Variants in ATP11A observed in about 807,000 individuals in gnomAD.
ATP11A encodes phospholipid-transporting ATPase IH.
In ATP11A, 81 loss-of-function variants were observed where a neutral mutation model predicts 154.4. The ratio of observed to expected loss-of-function variants is 0.52; its 90% CI spans 0.44 to 0.63. The LOEUF (loss-of-function observed/expected upper bound fraction) is 0.63. Among genes scored for constraint, ATP11A ranks in the 30% least tolerant of loss-of-function variants. The pLI is 0.00. For missense variants in ATP11A, 1,316 were observed against 1,474.3 expected (o/e 0.89, Z 1.76); for synonymous variants, 623 against 585.9 (o/e 1.06, Z -0.91).
At chr13:112,850,325 A>G (rs1229760337) in intron 17 of ATP11A, among the ~76,000 whole-genome samples, 2 of 152,154 alleles carry the variant, frequency 1.3e-5, no homozygotes, top group Non-Finnish European at 2.9e-5. Context: ...TCAGGTGTGA[A>G]CCTCTGTGAC....
At chr13:112,790,771 ATTAT>A (rs2077831153) in intron 2 of ATP11A, among the ~76,000 whole-genome samples, 1 of 152,232 alleles carries the variant, frequency 6.6e-6, no homozygotes. Context: ...GTGGTTCTTA[ATTAT>A]TTATGTGCTC....
intron 1 of ATP11A, among the ~76,000 whole-genome samples, chr13:112,768,345 C>T (rs570503163): frequency 3.2e-4 from 48 of 152,340 alleles, no homozygotes; most frequent in Admixed American, 5.9e-4. Flanking sequence ...GGGGCAACCT[C>T]AGCCTCTCCA....
rs1472604079 is a variant in ATP11A, at chr13:112,753,922, G to A, written c.40-31213G>A. Among the ~76,000 whole-genome samples the A allele has an allele frequency of 6.6e-6, 1 of 152,218 alleles. No individual in the cohort carries two copies. On this transcript the variant is annotated intron_variant, in intron 1 of 29. Transcript: ENST00000375645. This position sits in a 1 kb window ranked among gnomAD's most constrained non-coding sequence, Gnocchi z 4.1. ...GGAATTAAAGAAAGAAGCCATCTATGTTCTTCCTGGGGCATCATTTGAGCT... is the reference window on the plus strand; with the variant it reads ...GGAATTAAAGAAAGAAGCCATCTATATTCTTCCTGGGGCATCATTTGAGCT...
intron 2 of ATP11A, among the ~76,000 whole-genome samples, chr13:112,791,124 A>ACC (rs752175901): frequency 6.6e-6 from 1 of 151,922 alleles, no homozygotes; most frequent in Non-Finnish European, 1.5e-5. Flanking sequence ...CCCATCCCCC[A>ACC]CCCTCCAGCC....
intron 25 of ATP11A, among the ~76,000 whole-genome samples, chr13:112,865,158 C>A (rs1398063628): frequency 1.2e-5 from 1 of 83,220 alleles, no homozygotes; most frequent in Admixed American, 1.5e-4. Flanking sequence ...CAGTGCAGGC[C>A]CGCGCAGCTT....
rs757098312 is a variant in ATP11A, at chr13:112,836,257, ATTTCT to A, written c.1705+10_1705+14del. ...AATTGTAAAATCTGCTACAGGTAAA[ATTTCT>A]TTTTCTTTTGATTTATTAAGTTATA... On this transcript the variant is annotated splice_region_variant and intron_variant, in intron 16 of 29. Transcript: ENST00000375645. 2 of 1,591,936 alleles carry A rather than the reference ATTTCT, an allele frequency of 1.3e-6. No individual in the cohort carries two copies. The highest frequency in any genetic ancestry group is 1.7e-6 in the Non-Finnish European group (2 of 1,162,894).
intron 1 of ATP11A, among the ~76,000 whole-genome samples, chr13:112,775,523 G>A (rs1451896593): frequency 2.0e-5 from 3 of 152,142 alleles, no homozygotes; most frequent in South Asian, 2.1e-4. Flanking sequence ...CCTACTTACC[G>A]TTGCCAGAGT....
At chr13:112,829,214 TC>T (rs2079027000) in intron 12 of ATP11A, among the ~76,000 whole-genome samples, 1 of 152,168 alleles carries the variant, frequency 6.6e-6, no homozygotes, top group Non-Finnish European at 1.5e-5. Context: ...CATCTTTTGT[TC>T]CTAGAGCTGA....
intron 1 of ATP11A, among the ~76,000 whole-genome samples, chr13:112,755,543 G>T (rs1022830025): frequency 6.6e-6 from 1 of 152,238 alleles, no homozygotes; most frequent in Non-Finnish European, 1.5e-5. Context: ...CTGCAGCCAA[G>T]GTTAGCCAGA....
chr13:112,788,601 G>A (rs752023339), intron 2 of ATP11A, among the ~76,000 whole-genome samples: 2 of 149,982 alleles, frequency 1.3e-5, no homozygotes, highest in East Asian at 2.0e-4. Context: ...AGACCCCTGC[G>A]GAGACCTACT....
At chr13:112,836,862 G>A (rs1450746101) in intron 16 of ATP11A, among the ~76,000 whole-genome samples, 2 of 152,198 alleles carry the variant, frequency 1.3e-5, no homozygotes, top group Non-Finnish European at 2.9e-5. Flanking sequence ...CTCCCACTCT[G>A]ACCTGTGGCT....
chr13:112,710,967 A>ACCCT, intron 1 of ATP11A, among the ~76,000 whole-genome samples: 1 of 114,116 alleles, frequency 8.8e-6, no homozygotes, highest in Non-Finnish European at 1.7e-5. Context: ...ACCCGGAGCC[A>ACCCT]CCCACCCACC....
At chr13:112,774,491 G>A (rs2077298678) in intron 1 of ATP11A, among the ~76,000 whole-genome samples, 2 of 152,228 alleles carry the variant, frequency 1.3e-5, no homozygotes. Context: ...ATTTTAATCA[G>A]GGACTCTCAG....
intron 1 of ATP11A, among the ~76,000 whole-genome samples, chr13:112,735,032 T>C (rs1227947727): frequency 3.3e-5 from 5 of 152,204 alleles, no homozygotes; most frequent in Admixed American, 1.3e-4. Context: ...AAGAGGACTT[T>C]TTTTAAAAAA....
At chr13:112,809,884 TGGAATC>T (rs1345584487) in intron 4 of ATP11A, among the ~76,000 whole-genome samples, 3 of 152,174 alleles carry the variant, frequency 2.0e-5, no homozygotes, top group East Asian at 3.8e-4. Context: ...CCTTCGTAGT[TGGAATC>T]GGAGTGCACG....
At chr13:112,772,394 G>A (rs1367527556) in intron 1 of ATP11A, among the ~76,000 whole-genome samples, 1 of 152,204 alleles carries the variant, frequency 6.6e-6, no homozygotes, top group Non-Finnish European at 1.5e-5. Context: ...AGCCTGTCGC[G>A]AGTGTGTAGG....
At position 112,875,485 on chromosome 13, in the gene ATP11A, GTTTTTTGT is replaced by G. The variant is rs1412064960; in HGVS notation, c.3162-284_3162-277del. 2.5e-5 allele frequency among the ~76,000 whole-genome samples: 2 copies of G among 80,032 alleles called. No individual in the cohort carries two copies. Among genetic ancestry groups the G allele is most frequent in the Admixed American group, 2.4e-4 (2 of 8,188 alleles). The allele number at this position is 80,032 out of a possible 152,430, so 52.5% of individuals were successfully genotyped here. On this transcript the variant is annotated intron_variant, in intron 27 of 29. Transcript: ENST00000375645. This position sits in a 1 kb window ranked among gnomAD's most constrained non-coding sequence, Gnocchi z 4.1. ...CCCTATTTCAATCCCTTTGTGTTTT[GTTTTTTGT>G]TTTTTTTTTTTTTGCTTCTGTGAAA... is the stretch of plus-strand genomic sequence containing the variant.
intron 25 of ATP11A, among the ~76,000 whole-genome samples, chr13:112,870,483 A>G (rs185317241): frequency 3.9e-5 from 6 of 152,298 alleles, no homozygotes; most frequent in East Asian, 1.9e-4. Context: ...GGCTCAAGCA[A>G]TTCTCCTGCC....
chr13:112,809,775 C>T (rs2078436690), intron 4 of ATP11A, among the ~76,000 whole-genome samples: 1 of 152,212 alleles, frequency 6.6e-6, no homozygotes, highest in Admixed American at 6.5e-5. Context: ...CAACGCCAAA[C>T]ACAAAGGCAC....
Sources: gnomAD v4.1 joint callset for allele counts (sites outside exome capture counted in the v4.1 genomes callset) on GRCh38, gnomAD v4.1.1 for gene constraint, Gnocchi (gnomAD v3.1) non-coding constraint, MANE v1.5 for transcripts, NCBI Gene and HGNC (gene_info 2026-07-23, HGNC 2026-07-21) for gene names.